Variants in EPS8 observed in about 807,000 individuals in gnomAD.
The protein encoded by EPS8 is EGFR pathway substrate 8, signaling adaptor, also known as epidermal growth factor receptor kinase substrate 8.
EPS8 carries 42 observed loss-of-function variants against 103.8 expected under a neutral mutation model. That is an observed-to-expected ratio of 0.40 (90% confidence interval 0.32 to 0.52). The LOEUF is 0.52. EPS8 is among the 20% of genes least tolerant of loss of function. The pLI is 0.40. For synonymous variants in EPS8, 344 were observed against 344.6 expected, an observed-to-expected ratio of 1.00 and a Z score of 0.02; for missense variants, 969 against 1,005.1, an observed-to-expected ratio of 0.96 and a Z score of 0.49.
At chr12:15,665,574 G>A (rs768759377) in intron 8 of EPS8, 182 bp downstream of exon 8, 14 of 621,754 alleles carry the variant, frequency 2.3e-5, no homozygotes, top group Middle Eastern at 4.3e-4. Context: ...CAGGTGATCC[G>A]CCCGCCTCGG....
chr12:15,648,069 G>T (rs967535881), intron 14 of EPS8, among the ~76,000 whole-genome samples: 2 of 152,198 alleles, frequency 1.3e-5, no homozygotes, highest in East Asian at 3.8e-4. Flanking sequence ...CATCTGACAG[G>T]AGATGGAGCT....
In EPS8 at chr12:15,772,649, C is replaced by T. The variant is rs552402671; in HGVS notation, c.-22+16512G>A. Among the ~76,000 whole-genome samples, 1 of 152,274 alleles carries T rather than the reference C, an allele frequency of 6.6e-6. No individual in the cohort carries two copies. Among genetic ancestry groups the T allele is most frequent in the African/African-American group, 2.4e-5 (1 of 41,556 alleles). ...TTCACTTAGGAAGAATTTTGGATACCTATTCCATCCCAAGTAGCAGAGCTT... is the reference window on the plus strand; with the variant it reads ...TTCACTTAGGAAGAATTTTGGATACTTATTCCATCCCAAGTAGCAGAGCTT... On this transcript the variant is annotated intron_variant, in intron 1 of 20. Transcript: ENST00000281172. This position sits in a 1 kb window ranked among gnomAD's most constrained non-coding sequence, Gnocchi z 5.0.
intron 1 of EPS8, among the ~76,000 whole-genome samples, chr12:15,689,515 AAAT>A (rs1367020136): frequency 1.3e-5 from 2 of 152,174 alleles, no homozygotes; most frequent in East Asian, 1.9e-4. Flanking sequence ...TTTAATTGAC[AAAT>A]AATAATTGTA....
At chr12:15,744,175 T>C (rs1946852499) in intron 1 of EPS8, among the ~76,000 whole-genome samples, 1 of 152,178 alleles carries the variant, frequency 6.6e-6, no homozygotes. Flanking sequence ...CCATCATCAC[T>C]GGCCATCAGA....
chr12:15,641,684 A>T, intron 16 of EPS8, 38 bp downstream of exon 16: 1 of 970,934 alleles, frequency 1.0e-6, no homozygotes, highest in South Asian at 1.6e-5. Context: ...CAATAAAACT[A>T]CTTTATTAAG....
At chr12:15,788,934 T>C (rs1290463774) in intron 1 of EPS8, among the ~76,000 whole-genome samples, 2 of 151,670 alleles carry the variant, frequency 1.3e-5, no homozygotes, top group African/African-American at 4.8e-5. Context: ...TGGGCGCGGG[T>C]CTGCACGGGC....
intron 15 of EPS8, among the ~76,000 whole-genome samples, chr12:15,642,161 A>T (rs1945243186): frequency 2.0e-5 from 3 of 152,200 alleles, no homozygotes; most frequent in Admixed American, 1.3e-4. Context: ...ACCATAAAAG[A>T]ACTAGATAAA....
At chr12:15,720,290 C>T (rs1946580842) in intron 1 of EPS8, among the ~76,000 whole-genome samples, 1 of 152,068 alleles carries the variant, frequency 6.6e-6, no homozygotes, top group South Asian at 2.1e-4. Context: ...TGCTAGATAA[C>T]ACTTGGGATC....
In EPS8 at chr12:15,621,041, G is replaced by A. The variant is rs1944853907; in HGVS notation, c.*276C>T. ...CAATTCCTGTTTATACCCTGGGATG[G>A]GGATAAAATAATTAGTCTAATTAAG... On this transcript the variant is annotated 3_prime_UTR_variant, in exon 21 of 21. Transcript: ENST00000281172. 1 of 299,932 alleles carries A rather than the reference G, an allele frequency of 3.3e-6. No individual in the cohort carries two copies. The highest frequency in any genetic ancestry group is 6.0e-6 in the Non-Finnish European group (1 of 165,590). The allele number at this position is 299,932 out of a possible 1,614,324, so 18.6% of individuals were successfully genotyped here. A position where few individuals can be genotyped will look rare whatever the true frequency, so the allele number is the denominator to read the frequency against.
chr12:15,638,155 A>G (rs915284688), intron 17 of EPS8, among the ~76,000 whole-genome samples: 2 of 152,112 alleles, frequency 1.3e-5, no homozygotes, highest in African/African-American at 4.8e-5. Context: ...AACAGTAGAT[A>G]TGGGTATCTA....
intron 1 of EPS8, among the ~76,000 whole-genome samples, chr12:15,729,355 TTCTC>T (rs1765827527): frequency 6.6e-6 from 1 of 152,190 alleles, no homozygotes; most frequent in African/African-American, 2.4e-5. Context: ...TTTTGATCCT[TTCTC>T]TCTTTCTTCT....
intron 15 of EPS8, among the ~76,000 whole-genome samples, chr12:15,646,597 A>T (rs1945323541): frequency 6.6e-6 from 1 of 152,232 alleles, no homozygotes; most frequent in African/African-American, 2.4e-5. Flanking sequence ...AAGAGTGAAG[A>T]TATAGAAAAA....
At chr12:15,654,637 T>A (rs1396448255) in intron 12 of EPS8, among the ~76,000 whole-genome samples, 6 of 152,198 alleles carry the variant, frequency 3.9e-5, no homozygotes, top group Admixed American at 3.9e-4. Flanking sequence ...TTGTTTTAAA[T>A]ATGTGTTTCT....
intron 1 of EPS8, among the ~76,000 whole-genome samples, chr12:15,708,093 C>T (rs1351616467): frequency 6.6e-6 from 1 of 152,174 alleles, no homozygotes; most frequent in East Asian, 1.9e-4. Flanking sequence ...CAATCAGAGA[C>T]AGTTATTAAA....
intron 15 of EPS8, 51 bp downstream of exon 15, chr12:15,647,076 G>C (rs770069137): frequency 6.4e-7 from 1 of 1,560,322 alleles, no homozygotes; most frequent in Admixed American, 1.8e-5. Context: ...GTTAGCACTA[G>C]ATCAGAGACA....
Position 15,669,548 on chromosome 12 carries a change from G to A in EPS8, c.367-12C>T. The A allele has an allele frequency of 1.3e-6, 2 of 1,583,628 alleles. No homozygotes were observed. The highest frequency in any genetic ancestry group is 1.7e-6 in the Non-Finnish European group (2 of 1,163,146). ...TTCTCCAGTTCATTCTATAAATAAA[G>A]TGAACATTTTATTTTGTCAAACTTC... On this transcript the variant is annotated splice_polypyrimidine_tract_variant and intron_variant, in intron 5 of 20. Coordinates refer to ENST00000281172, the MANE Select transcript of EPS8 (RefSeq NM_004447.6).
chr12:15,719,805 T>C (rs1053623764), intron 1 of EPS8, among the ~76,000 whole-genome samples: 2 of 152,206 alleles, frequency 1.3e-5, no homozygotes, highest in African/African-American at 4.8e-5. Context: ...TTTATTTAGA[T>C]TATAGTTTAA....
At chr12:15,672,195 T>C (rs1945828964) in intron 3 of EPS8, among the ~76,000 whole-genome samples, 1 of 152,108 alleles carries the variant, frequency 6.6e-6, no homozygotes. Context: ...ACATAAAAGC[T>C]GAGCAAGTAC....
At chr12:15,662,654 A>C (rs1468450217) in intron 8 of EPS8, 2 of 985,420 alleles carry the variant, frequency 2.0e-6, no homozygotes, top group African/African-American at 3.5e-5. Context: ...AGAAATTTTC[A>C]CATTAAAAAA....
Sources: allele counts gnomAD v4.1 joint callset (sites outside exome capture counted in the v4.1 genomes callset), GRCh38; gene constraint gnomAD v4.1.1; non-coding constraint Gnocchi (gnomAD v3.1); transcripts MANE v1.5; gene names NCBI Gene and HGNC (gene_info 2026-07-23, HGNC 2026-07-21).